Variants in PTPRT observed in about 807,000 individuals in gnomAD.
The protein encoded by PTPRT is protein tyrosine phosphatase receptor type T.
In PTPRT, 56 loss-of-function variants were observed where a neutral mutation model predicts 176.8. The ratio of observed to expected loss-of-function variants is 0.32; its 90% CI spans 0.26 to 0.40. The LOEUF (loss-of-function observed/expected upper bound fraction) is 0.40, where lower values mean the gene tolerates loss of function less well. PTPRT is among the 10% of genes least tolerant of loss of function. PTPRT has a pLI of 1.00. For missense variants in PTPRT, 1,540 were observed against 1,908.2 expected, an observed-to-expected ratio of 0.81 and a Z score of 3.60; for synonymous variants, 783 against 739.0, an observed-to-expected ratio of 1.06 and a Z score of -0.96.
intron 12 of PTPRT, among the ~76,000 whole-genome samples, chr20:42,295,970 T>A (rs879819257): frequency 3.9e-5 from 6 of 152,226 alleles, no homozygotes; most frequent in Non-Finnish European, 7.3e-5. Flanking sequence ...TCCTGAGGCC[T>A]CCCCAGCCAT....
At chr20:42,290,434 T>C (rs1352114079) in intron 12 of PTPRT, among the ~76,000 whole-genome samples, 1 of 152,046 alleles carries the variant, frequency 6.6e-6, no homozygotes, top group Non-Finnish European at 1.5e-5. Context: ...GGTAACTCTC[T>C]GTCCCTTTCT....
chr20:42,322,428 C>G (rs931286164), intron 11 of PTPRT, among the ~76,000 whole-genome samples: 1 of 122,350 alleles, frequency 8.2e-6, no homozygotes, highest in Non-Finnish European at 1.6e-5. Flanking sequence ...ATCAATGGAA[C>G]AGAACAGAGC....
intron 6 of PTPRT, among the ~76,000 whole-genome samples, chr20:42,745,873 C>T (rs568171294): frequency 3.3e-5 from 5 of 152,230 alleles, no homozygotes; most frequent in South Asian, 2.1e-4. Context: ...TCAGTGGTAA[C>T]AGGGGACCAT....
At position 42,750,992 on chromosome 20, in the gene PTPRT, T is replaced by C. The variant is rs1265800776; in HGVS notation, c.859+5470A>G. ...TCCCCAGAATTAAGTAATTCCAATT[T>C]GCTTTCATTTCGGTCTGTGTGTCGC... On this transcript the variant is annotated intron_variant, in intron 6 of 30. Transcript: ENST00000373187. Among the ~76,000 whole-genome samples the C allele has an allele frequency of 3.3e-5, 5 of 152,324 alleles. No individual in the cohort carries two copies. In the East Asian group the frequency reaches 9.6e-4, roughly 29 times the overall value.
chr20:42,299,472 T>C (rs2057428451), intron 12 of PTPRT, among the ~76,000 whole-genome samples: 1 of 152,094 alleles, frequency 6.6e-6, no homozygotes, highest in South Asian at 2.1e-4. Context: ...AGATTAATAT[T>C]TCTGGAAATA....
intron 15 of PTPRT, among the ~76,000 whole-genome samples, chr20:42,212,199 A>G (rs2055652995): frequency 1.4e-5 from 2 of 146,720 alleles, no homozygotes; most frequent in South Asian, 2.3e-4. Context: ...CTAATGCTAG[A>G]TGACGAGTTA....
chr20:42,693,152 T>G (rs6072831), intron 6 of PTPRT, among the ~76,000 whole-genome samples: 10 of 152,236 alleles, frequency 6.6e-5, no homozygotes, highest in African/African-American at 2.4e-4. Flanking sequence ...ATATGTGCAT[T>G]TGTGTATATA....
intron 1 of PTPRT, among the ~76,000 whole-genome samples, chr20:43,146,626 T>C (rs939507243): frequency 2.6e-5 from 4 of 151,314 alleles, no homozygotes; most frequent in Non-Finnish European, 4.4e-5. Context: ...GAAACAAACA[T>C]GATGTTGATG....
At chr20:42,577,358 ACATCG>A (rs533960592) in intron 7 of PTPRT, among the ~76,000 whole-genome samples, 1 of 152,290 alleles carries the variant, frequency 6.6e-6, no homozygotes, top group African/African-American at 2.4e-5. Context: ...TGGGAGGGAT[ACATCG>A]CAGAAGCCAG....
At chr20:42,712,300 C>T (rs2076156478) in intron 6 of PTPRT, among the ~76,000 whole-genome samples, 1 of 152,130 alleles carries the variant, frequency 6.6e-6, no homozygotes, top group Non-Finnish European at 1.5e-5. Flanking sequence ...TCTCAGGCCA[C>T]AACTGGCTTG....
At position 43,189,447 on chromosome 20, in the gene PTPRT, G is replaced by A. The variant is rs2015481105; in HGVS notation, c.88+199C>T. 6.6e-6 allele frequency among the ~76,000 whole-genome samples: 1 copy of A among 152,162 alleles called. No individual in the cohort carries two copies. ...CGCCAAACGCGGGCTGCCGAGGGAC[G>A]CGAGGGGCCGGGCTCGCTGGCCGGG... is the stretch of plus-strand genomic sequence containing the variant. On this transcript the variant is annotated intron_variant, in intron 1 of 30. Coordinates refer to ENST00000373187, the MANE Select transcript of PTPRT (RefSeq NM_007050.6). This position sits in a 1 kb window ranked among gnomAD's most constrained non-coding sequence, Gnocchi z 5.0.
chr20:42,522,414 G>A lies in PTPRT; in HGVS notation c.1154-49852C>T, dbSNP rs141102360. Among the ~76,000 whole-genome samples, 1,464 of 151,644 alleles carry A rather than the reference G, an allele frequency of 9.7e-3. 21 individuals carry two copies. Among genetic ancestry groups the A allele is most frequent in the African/African-American group, 0.024 (982 of 41,250 alleles). On this transcript the variant is annotated intron_variant, in intron 7 of 30. Transcript: ENST00000373187. The stretch of plus-strand genomic sequence containing the variant: ...TTCTGAAATAGTTCTCATCTGACTC[G>A]TAGGCACATTTATTTGGCAAACTTT...
chr20:42,544,855 T>C (rs1300736411), intron 7 of PTPRT, among the ~76,000 whole-genome samples: 2 of 152,240 alleles, frequency 1.3e-5, no homozygotes, highest in Non-Finnish European at 2.9e-5. Context: ...GGTCTCATTA[T>C]GTTGCCCAGG....
At chr20:42,865,952 TCTTC>T (rs2078739296) in intron 2 of PTPRT, among the ~76,000 whole-genome samples, 1 of 152,146 alleles carries the variant, frequency 6.6e-6, no homozygotes, top group African/African-American at 2.4e-5. Context: ...TCCCCTCTGC[TCTTC>T]CCTTTCTCCT....
chr20:42,803,034 G>A (rs1010771907), intron 2 of PTPRT, among the ~76,000 whole-genome samples: 10 of 152,222 alleles, frequency 6.6e-5, no homozygotes, highest in Admixed American at 2.0e-4. Flanking sequence ...CGGCATTTCT[G>A]AGCCCTCATG....
At chr20:42,603,240 G>A (rs905519370) in intron 7 of PTPRT, among the ~76,000 whole-genome samples, 1 of 152,126 alleles carries the variant, frequency 6.6e-6, no homozygotes, top group Non-Finnish European at 1.5e-5. Context: ...GTAATGGTAT[G>A]CTGGGGAGGA....
the PTPRT span, among the ~76,000 whole-genome samples, chr20:42,051,205 T>C: frequency 6.6e-6 from 1 of 152,220 alleles, no homozygotes; most frequent in Non-Finnish European, 1.5e-5. Context: ...CCTGGATTCT[T>C]CCTCAAAGCC....
At chr20:42,392,276 G>A (rs2058807280) in intron 9 of PTPRT, among the ~76,000 whole-genome samples, 1 of 151,950 alleles carries the variant, frequency 6.6e-6, no homozygotes, top group East Asian at 1.9e-4. Context: ...CCTCTATTCT[G>A]TAAGTCAACT....
intron 7 of PTPRT, among the ~76,000 whole-genome samples, chr20:42,477,947 G>A (rs747218491): frequency 2.6e-5 from 4 of 152,204 alleles, no homozygotes; most frequent in Non-Finnish European, 5.9e-5. Flanking sequence ...GGGATCGGGG[G>A]CCAATGGGCT....
Sources: allele counts gnomAD v4.1 joint callset (sites outside exome capture counted in the v4.1 genomes callset), GRCh38; gene constraint gnomAD v4.1.1; non-coding constraint Gnocchi (gnomAD v3.1); transcripts MANE v1.5; gene names NCBI Gene and HGNC (gene_info 2026-07-23, HGNC 2026-07-21).